HK1: variants seen among roughly 807,000 people sequenced by gnomAD.
The protein encoded by HK1 is hexokinase-1.
Under a neutral mutation model 91.6 loss-of-function variants are expected in HK1, and 28 were observed. The ratio of observed to expected loss-of-function variants is 0.31; its 90% CI spans 0.23 to 0.42. The LOEUF (loss-of-function observed/expected upper bound fraction) is 0.42, where lower values mean the gene tolerates loss of function less well. HK1 is among the 10% of genes least tolerant of loss of function. The pLI is 1.00. For synonymous variants in HK1, 430 were observed against 468.1 expected (o/e 0.92, Z 1.05); for missense variants, 770 against 1,219.8 (o/e 0.63, Z 5.49).
chr10:69,331,077 A>G (rs1847689814), intron 1 of HK1, among the ~76,000 whole-genome samples: 1 of 151,740 alleles, frequency 6.6e-6, no homozygotes, highest in African/African-American at 2.4e-5. Flanking sequence ...ATGGGGTTTC[A>G]CCATGTTGAC....
In HK1 at chr10:69,280,689, G is replaced by A. The variant is rs533512197; in HGVS notation, c.-390-1840G>A. Reference sequence around the variant, plus strand: ...TAAGAAGGCTGTCTTTGAGAAATGAGCCCTCACCAGGCAGGCACCAAATCT... The same window carrying A: ...TAAGAAGGCTGTCTTTGAGAAATGAACCCTCACCAGGCAGGCACCAAATCT... On this transcript the variant is annotated intron_variant, in intron 1 of 21. Coordinates refer to the HK1 transcript ENST00000360289. Among the ~76,000 whole-genome samples, 18 of 152,276 alleles carry A rather than the reference G, an allele frequency of 1.2e-4. No individual in the cohort carries two copies. The South Asian group carries it at 3.5e-3, about 30-fold the overall frequency.
chr10:69,359,301 ATAG>A (rs1849300597), intron 2 of HK1, among the ~76,000 whole-genome samples: 1 of 152,182 alleles, frequency 6.6e-6, no homozygotes, highest in African/African-American at 2.4e-5. Flanking sequence ...AGTTTTGAAA[ATAG>A]TGGTGATGGT....
rs1183025089 is a variant in HK1 at position 69,369,396 on chromosome 10, C to T, written c.692-45C>T. 1 of 1,613,860 alleles carries T rather than the reference C, an allele frequency of 6.2e-7. No homozygotes were observed. The highest frequency in any genetic ancestry group is 8.5e-7 in the Non-Finnish European group (1 of 1,179,704). ...GCCCATCTTTCCAGGTGGCTCTGCA[C>T]CCTCCCCGTTGTGTGGTCATAGCTT... On this transcript the variant is annotated intron_variant, in intron 6 of 17. Transcript: ENST00000359426. This position sits in a 1 kb window ranked among gnomAD's most constrained non-coding sequence, Gnocchi z 4.4.
In HK1 at chr10:69,378,309, C is replaced by CAA. The variant is rs59016959; in HGVS notation, c.1031+1232_1031+1233dup. ...ATGTATATTATAATAAAGGCTATCTCAAAAAAAAAAAAACTATAAAAACAT... is the reference window on the plus strand; with the variant it reads ...ATGTATATTATAATAAAGGCTATCTCAAAAAAAAAAAAAAACTATAAAAACAT... On this transcript the variant is annotated intron_variant, in intron 8 of 17. Transcript: ENST00000359426. 3.4e-3 allele frequency among the ~76,000 whole-genome samples: 475 copies of CAA among 139,952 alleles called. 1 individual carries two copies. Among genetic ancestry groups the CAA allele is most frequent in the African/African-American group, 8.9e-3 (338 of 37,920 alleles). The allele number at this position is 139,952 out of a possible 152,430, so 91.8% of individuals were successfully genotyped here. A position where few individuals can be genotyped will look rare whatever the true frequency, so the allele number is the denominator to read the frequency against.
chr10:69,286,327 G>A (rs973940055), intron 2 of HK1, among the ~76,000 whole-genome samples: 5 of 151,964 alleles, frequency 3.3e-5, no homozygotes, highest in Admixed American at 3.3e-4. Flanking sequence ...GTGAGATCCC[G>A]TCTCTACAAA....
intron 4 of HK1, chr10:69,300,662 C>A (rs2002905): frequency 0.26 from 204,285 of 777,940 alleles, 31,247 homozygotes; most frequent in East Asian, 0.57. Context: ...TGTGATCATC[C>A]ATGATTTCAA....
chr10:69,365,032 T>C, intron 4 of HK1, 130 bp downstream of exon 4: 1 of 1,010,442 alleles, frequency 9.9e-7, no homozygotes, highest in East Asian at 2.5e-5. Flanking sequence ...TAAAGAAACA[T>C]TTGCAGAAGT....
At chr10:69,399,117 C>A (rs1217710082) in intron 17 of HK1, among the ~76,000 whole-genome samples, 1 of 152,164 alleles carries the variant, frequency 6.6e-6, no homozygotes, top group Non-Finnish European at 1.5e-5. Flanking sequence ...GGGGGCTAGG[C>A]AGTGGGAGAG....
At chr10:69,389,387 G>A (rs1238942491) in intron 14 of HK1, 91 bp downstream of exon 14, 3 of 663,184 alleles carry the variant, frequency 4.5e-6, no homozygotes, top group African/African-American at 1.9e-5. Context: ...TTGGTCCTCT[G>A]TATGGGGTAG....
intron 16 of HK1, among the ~76,000 whole-genome samples, chr10:69,395,840 G>A (rs1840109925): frequency 6.6e-6 from 1 of 152,130 alleles, no homozygotes; most frequent in Non-Finnish European, 1.5e-5. Flanking sequence ...CTTTTCTCCT[G>A]TCCAGGGTAC....
Position 69,343,229 on chromosome 10 carries a change from G to A in HK1, c.64-598G>A, listed in dbSNP as rs117925975. ...CTAGAAGTCTTGCCCATGGACACCT[G>A]CCAGTACTACTGTCTCATGTTAATA... On this transcript the variant is annotated intron_variant, in intron 1 of 17. Transcript: ENST00000359426. Among the ~76,000 whole-genome samples, 254 of 152,320 alleles carry A rather than the reference G, an allele frequency of 1.7e-3. 3 individuals are homozygous for A. Among genetic ancestry groups the A allele is most frequent in the Admixed American group, 2.7e-3 (42 of 15,306 alleles).
rs528218550 is a variant in HK1 at position 69,310,746 on chromosome 10, A to G, written c.27+9885A>G. 4.5e-4 allele frequency among the ~76,000 whole-genome samples: 69 copies of G among 152,292 alleles called. 1 individual carries two copies. In the South Asian group the frequency reaches 0.014, roughly 30 times the overall value. On this transcript the variant is annotated intron_variant, in intron 5 of 21. Coordinates refer to the HK1 transcript ENST00000360289. The stretch of plus-strand genomic sequence containing the variant: ...CATTTCAGGAAGACAATAAAATATC[A>G]GTCAATACATGTAAGAGGTACATTG...
chr10:69,379,309 A>G (rs995259742), intron 8 of HK1, among the ~76,000 whole-genome samples: 1 of 152,224 alleles, frequency 6.6e-6, no homozygotes, highest in African/African-American at 2.4e-5. Flanking sequence ...GAGTGTATGT[A>G]TATGTGTTTG....
chr10:69,334,638 ACAGGAGCCACCCAACCTGGCC>A, intron 1 of HK1, among the ~76,000 whole-genome samples: 1 of 152,242 alleles, frequency 6.6e-6, no homozygotes, highest in Non-Finnish European at 1.5e-5. Flanking sequence ...CCCGCCCAGC[ACAGGAGCCACCCAACCTGGCC>A]CAGGAGCCAC....
intron 3 of HK1, among the ~76,000 whole-genome samples, chr10:69,294,086 C>A (rs1177650089): frequency 6.6e-6 from 1 of 152,156 alleles, no homozygotes; most frequent in East Asian, 1.9e-4. Flanking sequence ...TGGTCTCGAT[C>A]TCCTGACCTT....
Position 69,294,824 on chromosome 10 carries a change from T to C in HK1, c.-114-809T>C, listed in dbSNP as rs1051405378. Among the ~76,000 whole-genome samples the C allele has an allele frequency of 6.6e-5, 10 of 152,034 alleles. No individual in the cohort carries two copies. The South Asian group carries it at 1.0e-3, about 16-fold the overall frequency. On this transcript the variant is annotated intron_variant, in intron 3 of 21. Coordinates refer to the HK1 transcript ENST00000360289. ...TTGCAGTGAGCAGAGATCATGCCAC[T>C]GCACTCCAGCCTGGGCAACAGAGCG...
chr10:69,300,298 A>G, intron 4 of HK1: 1 of 320,680 alleles, frequency 3.1e-6, no homozygotes, highest in East Asian at 7.6e-5. Context: ...ATATAATCAT[A>G]CATATGTACT....
At chr10:69,324,419 C>T (rs1847210264) in intron 1 of HK1, among the ~76,000 whole-genome samples, 1 of 151,642 alleles carries the variant, frequency 6.6e-6, no homozygotes, top group Non-Finnish European at 1.5e-5. Flanking sequence ...GGTGAAACCC[C>T]GTCTCTACTA....
intron 7 of HK1, among the ~76,000 whole-genome samples, chr10:69,375,691 G>A (rs929270811): frequency 2.6e-5 from 4 of 152,194 alleles, no homozygotes; most frequent in Admixed American, 1.3e-4. Context: ...CTGGGCTCCC[G>A]CAGAGGAGCG....
Sources: allele counts gnomAD v4.1 joint callset (sites outside exome capture counted in the v4.1 genomes callset), GRCh38; gene constraint gnomAD v4.1.1; non-coding constraint Gnocchi (gnomAD v3.1); transcripts MANE v1.5; gene names NCBI Gene and HGNC (gene_info 2026-07-23, HGNC 2026-07-21).